The following UNC13C variants were observed in gnomAD, a reference collection of about 807,000 sequenced individuals.
The protein encoded by UNC13C is unc-13 homolog C.
A neutral mutation model predicts 245.4 loss-of-function variants in UNC13C; 174 were observed. That is an observed-to-expected ratio of 0.71 (90% confidence interval 0.63 to 0.80). The LOEUF is 0.80. Ranked by LOEUF, UNC13C falls within the 30% of genes least tolerant of loss-of-function variation. The pLI is 0.00. For missense variants in UNC13C, 2,829 were observed against 2,602.9 expected (o/e 1.09, Z -1.89); for synonymous variants, 992 against 895.1 (o/e 1.11, Z -1.93).
chr15:54,123,368 C>T (rs1208172829), intron 2 of UNC13C, among the ~76,000 whole-genome samples: 4 of 151,068 alleles, frequency 2.6e-5, no homozygotes, highest in Non-Finnish European at 4.4e-5. Context: ...CTTATATATA[C>T]ATTTATATGG....
At chr15:54,322,151 C>G in intron 14 of UNC13C, 56 bp downstream of exon 14, 1 of 1,449,664 alleles carries the variant, frequency 6.9e-7, no homozygotes. Flanking sequence ...AGTTACATTT[C>G]AAGAGACTTT....
In UNC13C at chr15:54,250,433, A is replaced by T. The variant is rs2036115546; in HGVS notation, c.3437A>T (p.Asp1146Val). ...AAGTGTCAGGACCTGCTAAACGCTG[A>T]CTGCTTGCAGAGTGAGTACTTGGTT... Reference protein sequence around the residue: ...HEKCQDLLNADCLQRAAEKSS... With the variant: ...HEKCQDLLNAVCLQRAAEKSS... Residue 1146 changes from aspartate (D) to valine (V), a missense_variant, in exon 8 of 33, where the codon GAC becomes GTC. Coordinates refer to ENST00000260323, the MANE Select transcript of UNC13C (RefSeq NM_001080534.3). The T allele has an allele frequency of 1.2e-6, 2 of 1,608,628 alleles. No individual in the cohort carries two copies. The highest frequency in any genetic ancestry group is 2.2e-5 in the South Asian group (2 of 90,124).
chr15:54,287,467 C>A (rs749417192), intron 10 of UNC13C, among the ~76,000 whole-genome samples: 1 of 152,152 alleles, frequency 6.6e-6, no homozygotes. Flanking sequence ...TTGCATTAAT[C>A]TCACATTAAG....
intron 19 of UNC13C, among the ~76,000 whole-genome samples, chr15:54,447,258 C>T (rs1890868927): frequency 1.3e-5 from 2 of 149,726 alleles, no homozygotes; most frequent in South Asian, 4.2e-4. Context: ...TTCTCTCTGC[C>T]AGGCTTTGGT....
At chr15:54,559,438 T>G (rs777488991) in intron 29 of UNC13C, among the ~76,000 whole-genome samples, 2 of 152,008 alleles carry the variant, frequency 1.3e-5, no homozygotes, top group Non-Finnish European at 2.9e-5. Context: ...TTGCCTTGGT[T>G]AAAATCCAGC....
At chr15:54,583,865 TC>T (rs1238484335) in intron 30 of UNC13C, among the ~76,000 whole-genome samples, 1 of 151,810 alleles carries the variant, frequency 6.6e-6, no homozygotes, top group African/African-American at 2.4e-5. Flanking sequence ...AACACCAGAG[TC>T]CTGTGAATAA....
rs116061609 is a variant in UNC13C, at chr15:54,041,377, A to C, written c.2983+25491A>C. On this transcript the variant is annotated intron_variant, in intron 2 of 32. Coordinates refer to ENST00000260323, the MANE Select transcript of UNC13C (RefSeq NM_001080534.3). ...TATAAATAACACTTCTCTGTATATAAATCTGTTTCATTTTAAATATTATTT... is the reference window on the plus strand; with the variant it reads ...TATAAATAACACTTCTCTGTATATACATCTGTTTCATTTTAAATATTATTT... Among the ~76,000 whole-genome samples the C allele has an allele frequency of 7.0e-3, 1,065 of 152,246 alleles. 15 individuals carry two copies. Among genetic ancestry groups the C allele is most frequent in the African/African-American group, 0.025 (1,024 of 41,540 alleles).
At position 54,175,508 on chromosome 15, in the gene UNC13C, ATT is replaced by A. The variant is rs55925649; in HGVS notation, c.3071+31845_3071+31846del. On this transcript the variant is annotated intron_variant, in intron 4 of 32. Transcript: ENST00000260323. ...AAAACACTGTTGTTGTGGCCCTAGAATTTTTTTTTTTTTTTTTTTTTTGAGAC... is the reference window on the plus strand; with the variant it reads ...AAAACACTGTTGTTGTGGCCCTAGAATTTTTTTTTTTTTTTTTTTTGAGAC... Among the ~76,000 whole-genome samples the A allele has an allele frequency of 3.3e-3, 351 of 105,968 alleles. 1 individual carries two copies. The highest frequency in any genetic ancestry group is 9.6e-3 in the African/African-American group (252 of 26,226). The allele number at this position is 105,968 out of a possible 152,430, so 69.5% of individuals were successfully genotyped here.
At chr15:54,177,001 G>A (rs551427713) in intron 4 of UNC13C, among the ~76,000 whole-genome samples, 4 of 152,094 alleles carry the variant, frequency 2.6e-5, no homozygotes, top group Admixed American at 6.5e-5. Flanking sequence ...CTGGCAGACC[G>A]CATATGTGAT....
intron 19 of UNC13C, among the ~76,000 whole-genome samples, chr15:54,451,183 G>T (rs1258401806): frequency 6.6e-6 from 1 of 151,944 alleles, no homozygotes; most frequent in African/African-American, 2.4e-5. Context: ...AGAGTTTATT[G>T]CAGGGTCAGT....
At chr15:53,926,343 A>G in the UNC13C span, among the ~76,000 whole-genome samples, 1 of 152,152 alleles carries the variant, frequency 6.6e-6, no homozygotes, top group African/African-American at 2.4e-5. Context: ...AAACCACTTG[A>G]TTTTTGAAAC....
At chr15:54,303,625 CTTTT>C (rs55751740) in intron 13 of UNC13C, among the ~76,000 whole-genome samples, 2 of 142,492 alleles carry the variant, frequency 1.4e-5, no homozygotes, top group African/African-American at 2.6e-5. Context: ...AAGTATTTTT[CTTTT>C]TTTTTTTTTT....
chr15:53,992,875 G>T (rs1428049085), intron 1 of UNC13C, among the ~76,000 whole-genome samples: 1 of 152,048 alleles, frequency 6.6e-6, no homozygotes, highest in Non-Finnish European at 1.5e-5. Flanking sequence ...CTGTATTCCA[G>T]AGTATGAATC....
chr15:54,175,972 T>C (rs1349806327), intron 4 of UNC13C, among the ~76,000 whole-genome samples: 1 of 152,234 alleles, frequency 6.6e-6, no homozygotes, highest in African/African-American at 2.4e-5. Context: ...GTATAAAACA[T>C]ATATTTAGTG....
intron 2 of UNC13C, among the ~76,000 whole-genome samples, chr15:54,073,952 C>G (rs141910968): frequency 0.014 from 2,112 of 151,988 alleles, 56 homozygotes; most frequent in African/African-American, 0.049. Context: ...AAGTCTTTGC[C>G]CATGCCTATG....
At chr15:54,488,791 A>G (rs1212386304) in intron 19 of UNC13C, among the ~76,000 whole-genome samples, 2 of 152,182 alleles carry the variant, frequency 1.3e-5, no homozygotes, top group Non-Finnish European at 2.9e-5. Flanking sequence ...CAAAGATTAA[A>G]TTTTGTACAA....
intron 2 of UNC13C, among the ~76,000 whole-genome samples, chr15:54,075,496 G>A (rs150220508): frequency 5.9e-5 from 7 of 118,740 alleles, no homozygotes; most frequent in African/African-American, 2.9e-4. Context: ...AGCTTGCAGT[G>A]AGCCGAGATG....
At chr15:54,392,416 G>GA (rs1267586410) in intron 17 of UNC13C, among the ~76,000 whole-genome samples, 1 of 151,710 alleles carries the variant, frequency 6.6e-6, no homozygotes, top group African/African-American at 2.4e-5. Flanking sequence ...TTAAAAAAAG[G>GA]AAAAAAAGAG....
intron 26 of UNC13C, among the ~76,000 whole-genome samples, chr15:54,542,533 A>C (rs1896294708): frequency 6.6e-6 from 1 of 152,162 alleles, no homozygotes. Flanking sequence ...TCCAGAGCTG[A>C]GTTCAAGTCC....
Sources: gnomAD v4.1 joint callset for allele counts (sites outside exome capture counted in the v4.1 genomes callset) on GRCh38, gnomAD v4.1.1 for gene constraint, MANE v1.5 for transcripts, NCBI Gene and HGNC (gene_info 2026-07-23, HGNC 2026-07-21) for gene names.